BRPF1: variants seen among roughly 807,000 people sequenced by gnomAD.
BRPF1 encodes the protein peregrin.
A neutral mutation model predicts 115.0 loss-of-function variants in BRPF1; 15 were observed. The observed-to-expected ratio is 0.13, with a 90% CI of 0.09 to 0.20. The LOEUF is 0.20. BRPF1 is among the 10% of genes least tolerant of loss of function. BRPF1 has a pLI of 1.00. For synonymous variants in BRPF1, 647 were observed against 619.8 expected (o/e 1.04, Z -0.65); for missense variants, 1,118 against 1,638.3 (o/e 0.68, Z 5.48).
At chr3:9,735,847 A>G (rs2076930935) in intron 2 of BRPF1, among the ~76,000 whole-genome samples, 1 of 152,204 alleles carries the variant, frequency 6.6e-6, no homozygotes, top group African/African-American at 2.4e-5. Flanking sequence ...GTTGGCATCC[A>G]AGGCAAAAAA....
chr3:9,747,326 A>G lies in BRPF1; in HGVS notation c.3640A>G (p.Ser1214Gly). 1 of 1,614,156 alleles carries G rather than the reference A, an allele frequency of 6.2e-7. No homozygotes were observed. Among genetic ancestry groups the G allele is most frequent in the African/African-American group, 1.3e-5 (1 of 75,064 alleles). Residue 1214 changes from serine to glycine, a missense_variant, in exon 14 of 14, where the codon AGT (serine) becomes GGT (glycine). Coordinates refer to ENST00000383829, the MANE Select transcript of BRPF1 (RefSeq NM_001003694.2). The surrounding 1 kb of genome is among the most constrained non-coding windows in gnomAD (Gnocchi z 5.6). ...CAGCAAGGTGCAAGGCGAGCAGAGCAGTGAGACCAGCGATAGTGATTGATA... is the reference window on the plus strand; with the variant it reads ...CAGCAAGGTGCAAGGCGAGCAGAGCGGTGAGACCAGCGATAGTGATTGATA... ...HRSKVQGEQS[S>G]ETSDSD is the part of the protein sequence containing the mutation.
Position 9,743,909 on chromosome 3 carries a change from T to C in BRPF1, c.2635+8T>C. ...GCCAGGAGACAAGCAAAGGTCTGAA[T>C]CCCATGGCAAGGTGGACCCCAAAGC... On this transcript the variant is annotated splice_region_variant and intron_variant, in intron 8 of 13. Transcript: ENST00000383829. This position sits in a 1 kb window ranked among gnomAD's most constrained non-coding sequence, Gnocchi z 6.1. 3 of 1,553,814 alleles carry C rather than the reference T, an allele frequency of 1.9e-6. No homozygotes were observed. Among genetic ancestry groups the C allele is most frequent in the Non-Finnish European group, 1.7e-6 (2 of 1,145,900 alleles).
chr3:9,744,149 G>C, intron 8 of BRPF1, 75 bp from the exon 9 acceptor site: 1 of 1,472,946 alleles, frequency 6.8e-7, no homozygotes, highest in Non-Finnish European at 9.1e-7. Flanking sequence ...TATATGCCCA[G>C]GGCATGACCC....
rs866223972 is a variant in BRPF1, at chr3:9,731,960, C to G, written c.-189C>G. The G allele has an allele frequency of 2.0e-5, 3 of 152,396 alleles. No homozygotes were observed. Among genetic ancestry groups the G allele is most frequent in the Non-Finnish European group, 2.9e-5 (2 of 68,196 alleles). 9.4% of individuals were successfully genotyped at this position (152,396 alleles called of 1,614,324 possible). A position where few individuals can be genotyped will look rare whatever the true frequency, so the allele number is the denominator to read the frequency against. On this transcript the variant is annotated 5_prime_UTR_variant, in exon 1 of 14. Transcript: ENST00000383829. ...GGACCAGGAGCGGCAGGGGTCAGCT[C>G]AGGAATCCCGGGGAGCCGGGACCAA...
chr3:9,742,008 G>A lies in BRPF1; in HGVS notation c.1855-17G>A. Reference sequence around the variant, plus strand: ...AACTGGCCGAGGCCTGGCTGATCAGGCCTTTTTCTATGTTAGATCAAGGTT... The same window carrying A: ...AACTGGCCGAGGCCTGGCTGATCAGACCTTTTTCTATGTTAGATCAAGGTT... On this transcript the variant is annotated splice_polypyrimidine_tract_variant and intron_variant, in intron 5 of 13. Coordinates refer to ENST00000383829, the MANE Select transcript of BRPF1 (RefSeq NM_001003694.2). 1 of 1,613,880 alleles carries A rather than the reference G, an allele frequency of 6.2e-7. No individual in the cohort carries two copies. The highest frequency in any genetic ancestry group is 8.5e-7 in the Non-Finnish European group (1 of 1,179,944).
intron 4 of BRPF1, 33 bp from the exon 5 acceptor site, chr3:9,741,275 A>C: frequency 1.3e-6 from 2 of 1,536,116 alleles, no homozygotes. Context: ...CTGGCTTTCT[A>C]ATCATCCTCT....
At chr3:9,738,027 GAAGCCA>G (rs1175361349) in intron 2 of BRPF1, among the ~76,000 whole-genome samples, 1 of 152,158 alleles carries the variant, frequency 6.6e-6, no homozygotes, top group Non-Finnish European at 1.5e-5. Flanking sequence ...GGTTTGCTTA[GAAGCCA>G]AAGCCCCATC....
At position 9,744,425 on chromosome 3, in the gene BRPF1, G is replaced by A. The variant is rs139611443; in HGVS notation, c.2837G>A (p.Arg946His). The change falls in exon 9 of 14, where the codon CGT (arginine) becomes CAT (histidine). Residue 946 changes from arginine to histidine, a missense_variant. Arg to His is a conservative substitution (Grantham distance 29). Transcript: ENST00000383829. ...CAGCTCCCCATCATGAGTTCCCTGCGTCAGCGCAAGCGGGGTAGGAGCCCC... is the reference window on the plus strand; with the variant it reads ...CAGCTCCCCATCATGAGTTCCCTGCATCAGCGCAAGCGGGGTAGGAGCCCC... ...PPQLPIMSSL[R>H]QRKRGRSPRP... The A allele has an allele frequency of 4.2e-5, 67 of 1,611,342 alleles. No homozygotes were observed. Among genetic ancestry groups the A allele is most frequent in the Admixed American group, 1.0e-4 (6 of 59,536 alleles).
intron 2 of BRPF1, among the ~76,000 whole-genome samples, chr3:9,738,542 C>A (rs2076978912): frequency 6.6e-6 from 1 of 152,244 alleles, no homozygotes; most frequent in African/African-American, 2.4e-5. Context: ...AGTGCTAAAA[C>A]AACTTATATG....
At position 9,743,831 on chromosome 3, in the gene BRPF1, G is replaced by A. The variant is rs761322926; in HGVS notation, c.2565G>A (p.Pro855=). The A allele has an allele frequency of 6.2e-6, 10 of 1,607,754 alleles. No homozygotes were observed. The highest frequency in any genetic ancestry group is 4.0e-5 in the African/African-American group (3 of 74,832). Residue 855 remains proline, a synonymous_variant, in exon 8 of 14, where the codon CCG becomes CCA. Coordinates refer to ENST00000383829, the MANE Select transcript of BRPF1 (RefSeq NM_001003694.2). The surrounding 1 kb of genome is among the most constrained non-coding windows in gnomAD (Gnocchi z 6.1). The part of the protein sequence containing the change: ...PSSRGSLTPH[P]AACDKDGQTD... ...GCCGGGGTAGTCTGACACCCCACCC[G>A]GCAGCCTGTGACAAGGATGGGCAGA...
intron 3 of BRPF1, among the ~76,000 whole-genome samples, chr3:9,740,488 T>C (rs150081614): frequency 2.6e-5 from 4 of 152,306 alleles, no homozygotes; most frequent in Non-Finnish European, 4.4e-5. Context: ...CAGGGTCAAA[T>C]AGTACTCTGG....
At position 9,739,777 on chromosome 3, in the gene BRPF1, T is replaced by C; in HGVS notation, c.1378T>C (p.Ser460Pro). 6.2e-7 allele frequency: 1 copy of C among 1,613,934 alleles called. No individual in the cohort carries two copies. Among genetic ancestry groups the C allele is most frequent in the Non-Finnish European group, 8.5e-7 (1 of 1,179,912 alleles). Residue 460 changes from serine (S) to proline (P), a missense_variant, in exon 3 of 14, where the codon TCC (serine) becomes CCC (proline). Transcript: ENST00000383829. ...PGSARRLPAL[S>P]HSEGEEDEDE... Reference sequence around the variant, plus strand: ...TTCAGCACGCCGACTGCCTGCCCTGTCCCACAGCGAGGGTGAGGAGGATGA... The same window carrying C: ...TTCAGCACGCCGACTGCCTGCCCTGCCCCACAGCGAGGGTGAGGAGGATGA...
At chr3:9,741,587 A>G (rs940618997) in intron 5 of BRPF1, 148 bp downstream of exon 5, 293 of 686,026 alleles carry the variant, frequency 4.3e-4, no homozygotes, top group Non-Finnish European at 5.6e-4. Flanking sequence ...CAGTGAGCCA[A>G]GATCGTGCCA....
rs746662441 is a variant in BRPF1 at position 9,743,549 on chromosome 3, T to C, written c.2312-29T>C. The C allele has an allele frequency of 1.9e-6, 3 of 1,595,546 alleles. No homozygotes were observed. The highest frequency in any genetic ancestry group is 2.2e-5 in the East Asian group (1 of 44,698). On this transcript the variant is annotated intron_variant, in intron 7 of 13. Coordinates refer to ENST00000383829, the MANE Select transcript of BRPF1 (RefSeq NM_001003694.2). This position sits in a 1 kb window ranked among gnomAD's most constrained non-coding sequence, Gnocchi z 6.1. The stretch of plus-strand genomic sequence containing the variant: ...GGGGCCCTGAGGGCTGCCCTGAGTC[T>C]GACCTTTCCCCTCCAACCCTACCCC...
chr3:9,745,039 C>T lies in BRPF1; in HGVS notation c.2952C>T (p.Asn984=), dbSNP rs1428180687. ...DLPANGFSGG[N]QPVKKSFLVY... is the part of the protein sequence containing the mutation. ...CAGCCAATGGCTTCAGCGGTGGAAA[C>T]CAACCAGTGAAGAAGAGTTTCTTGG... Residue 984 remains asparagine, a synonymous_variant, in exon 10 of 14, where the codon AAC becomes AAT. Transcript: ENST00000383829. The surrounding 1 kb of genome is among the most constrained non-coding windows in gnomAD (Gnocchi z 5.1). 1.9e-6 allele frequency: 3 copies of T among 1,614,252 alleles called. No homozygotes were observed. The highest frequency in any genetic ancestry group is 2.2e-5 in the South Asian group (2 of 91,084).
intron 12 of BRPF1, among the ~76,000 whole-genome samples, 154 bp downstream of exon 12, chr3:9,746,084 CT>C (rs1164947709): frequency 3.3e-5 from 5 of 152,204 alleles, no homozygotes; most frequent in African/African-American, 1.2e-4. Context: ...CACTTAGAGG[CT>C]CCCACTCAGT....
rs113678664 is a variant in BRPF1, at chr3:9,735,051, C to T, written c.599+312C>T. Among the ~76,000 whole-genome samples the T allele has an allele frequency of 6.4e-3, 934 of 145,874 alleles. 12 individuals are homozygous for T. The highest frequency in any genetic ancestry group is 0.022 in the African/African-American group (847 of 38,702). On this transcript the variant is annotated intron_variant, in intron 2 of 13. Coordinates refer to ENST00000383829, the MANE Select transcript of BRPF1 (RefSeq NM_001003694.2). ...TTTTTTTTTTTTTTTGAGACAGGGC[C>T]TGGCTCTGTCACCCTGCCTGGAGTG... is the stretch of plus-strand genomic sequence containing the variant.
chr3:9,740,829 T>C lies in BRPF1; in HGVS notation c.1610T>C (p.Met537Thr). The C allele has an allele frequency of 6.2e-7, 1 of 1,614,174 alleles. No homozygotes were observed. Among genetic ancestry groups the C allele is most frequent in the Non-Finnish European group, 8.5e-7 (1 of 1,180,030 alleles). ...RLTIQRKSQFMQRLHSYWTLK... is the reference protein window; with the variant it reads ...RLTIQRKSQFTQRLHSYWTLK... ...ACCATCCAAAGGAAGAGCCAGTTCA[T>C]GCAGAGGCTGCACAGCTACTGGACA... is the stretch of plus-strand genomic sequence containing the variant. Residue 537 changes from methionine (M) to threonine (T), a missense_variant, in exon 4 of 14, where the codon ATG becomes ACG. Met to Thr is a moderately conservative substitution (Grantham distance 81, BLOSUM62 -1). This residue lies in a region of BRPF1 where 178 missense variants were observed against 303.7 expected (regional missense o/e 0.59). Transcript: ENST00000383829.
At chr3:9,736,119 C>G (rs1020754407) in intron 2 of BRPF1, among the ~76,000 whole-genome samples, 2 of 150,684 alleles carry the variant, frequency 1.3e-5, no homozygotes, top group Non-Finnish European at 2.9e-5. Flanking sequence ...GCAATTCTCA[C>G]GCCTCAGCCT....
Sources: gnomAD v4.1 joint callset for allele counts (sites outside exome capture counted in the v4.1 genomes callset) on GRCh38, gnomAD v4.1.1 for gene constraint, gnomAD v4.1.1 regional missense constraint, Gnocchi (gnomAD v3.1) non-coding constraint, MANE v1.5 for transcripts, NCBI Gene and HGNC (gene_info 2026-07-23, HGNC 2026-07-21) for gene names.